PARD3: variants seen among roughly 807,000 people sequenced by gnomAD.
PARD3 encodes par-3 family cell polarity regulator.
In PARD3, 75 loss-of-function variants were observed where a neutral mutation model predicts 155.4. That is an observed-to-expected ratio of 0.48 (90% CI 0.40 to 0.58). The LOEUF (loss-of-function observed/expected upper bound fraction) is 0.58. Ranked by LOEUF, PARD3 falls within the 20% of genes least tolerant of loss-of-function variation. The pLI is 0.00. For synonymous variants in PARD3, 576 were observed against 610.5 expected (o/e 0.94, Z 0.83); for missense variants, 1,642 against 1,721.7 (o/e 0.95, Z 0.82).
At chr10:34,211,462 G>A (rs907860919) in intron 22 of PARD3, among the ~76,000 whole-genome samples, 4 of 152,168 alleles carry the variant, frequency 2.6e-5, no homozygotes, top group Admixed American at 6.6e-5. Flanking sequence ...AAGCAGAAAC[G>A]ACAGAGGAAG....
intron 12 of PARD3, among the ~76,000 whole-genome samples, chr10:34,364,057 C>T (rs887591175): frequency 1.3e-5 from 2 of 152,110 alleles, no homozygotes; most frequent in Non-Finnish European, 2.9e-5. Context: ...TCCTTCTTCC[C>T]GAAATCACAG....
intron 2 of PARD3, among the ~76,000 whole-genome samples, chr10:34,663,586 T>C (rs1020235837): frequency 1.3e-5 from 2 of 152,050 alleles, no homozygotes; most frequent in African/African-American, 4.8e-5. Flanking sequence ...TCCACAAAAA[T>C]AAAAAATTTT....
At chr10:34,412,153 G>C (rs1845148951) in intron 5 of PARD3, among the ~76,000 whole-genome samples, 5 of 151,902 alleles carry the variant, frequency 3.3e-5, no homozygotes, top group Admixed American at 3.3e-4. Context: ...TGTACAGACT[G>C]GGTCTCAGTA....
At chr10:34,314,210 G>A (rs1280003344) in intron 20 of PARD3, among the ~76,000 whole-genome samples, 2 of 151,382 alleles carry the variant, frequency 1.3e-5, no homozygotes, top group East Asian at 1.9e-4. Flanking sequence ...AAAAAAGAAG[G>A]AAACGTAAAA....
At chr10:34,392,373 G>A (rs1842939395) in intron 7 of PARD3, among the ~76,000 whole-genome samples, 1 of 152,036 alleles carries the variant, frequency 6.6e-6, no homozygotes, top group Non-Finnish European at 1.5e-5. Context: ...ATATTGTATT[G>A]AAGATAAACA....
chr10:34,546,239 C>T (rs1272900318), intron 2 of PARD3, among the ~76,000 whole-genome samples: 3 of 151,862 alleles, frequency 2.0e-5, no homozygotes, highest in Non-Finnish European at 4.4e-5. Flanking sequence ...AATTTTAGGC[C>T]GGGCACAGTG....
chr10:34,402,619 C>A (rs1844015684), intron 5 of PARD3, among the ~76,000 whole-genome samples: 2 of 152,154 alleles, frequency 1.3e-5, no homozygotes, highest in African/African-American at 4.8e-5. Context: ...GCTAAAGTAA[C>A]AAAGTACTCA....
chr10:34,523,104 A>G (rs1348888486), intron 2 of PARD3, among the ~76,000 whole-genome samples: 1 of 152,234 alleles, frequency 6.6e-6, no homozygotes, highest in African/African-American at 2.4e-5. Context: ...AATGAAGATC[A>G]TCACAGACAA....
chr10:34,483,126 A>C (rs1268080696), intron 3 of PARD3, among the ~76,000 whole-genome samples: 2 of 152,180 alleles, frequency 1.3e-5, no homozygotes, highest in African/African-American at 4.8e-5. Context: ...ACTGCACCCC[A>C]GCCTGGGCAA....
At position 34,140,876 on chromosome 10, in the gene PARD3, CT is replaced by C. The variant is rs781769158; in HGVS notation, c.3420-9294del. ...CAAAGTTAGTTTCTAACAAGGGCCGCTTTTTTTGTGATGCTTCAGGGTATTT... is the reference window on the plus strand; with the variant it reads ...CAAAGTTAGTTTCTAACAAGGGCCGCTTTTTTGTGATGCTTCAGGGTATTT... On this transcript the variant is annotated intron_variant, in intron 22 of 24. Coordinates refer to ENST00000374788, the MANE Select transcript of PARD3 (RefSeq NM_001184785.2). Among the ~76,000 whole-genome samples the C allele has an allele frequency of 1.2e-3, 186 of 152,058 alleles. 1 individual carries two copies. Among genetic ancestry groups the C allele is most frequent in the Non-Finnish European group, 2.2e-3 (147 of 68,006 alleles).
At chr10:34,326,676 A>G (rs1225758886) in intron 19 of PARD3, among the ~76,000 whole-genome samples, 3 of 152,218 alleles carry the variant, frequency 2.0e-5, no homozygotes, top group African/African-American at 7.2e-5. Context: ...ATAGCTAATA[A>G]AACAATAACA....
intron 5 of PARD3, among the ~76,000 whole-genome samples, chr10:34,411,919 CGTGTGTGT>C (rs61517279): frequency 0.17 from 23,379 of 141,022 alleles, 2,148 homozygotes; most frequent in African/African-American, 0.26. Context: ...ATAAGCTAGT[CGTGTGTGT>C]GTGTGTGTGT....
At chr10:34,608,506 G>A (rs913571587) in intron 2 of PARD3, among the ~76,000 whole-genome samples, 3 of 145,676 alleles carry the variant, frequency 2.1e-5, no homozygotes, top group Non-Finnish European at 4.5e-5. Flanking sequence ...AAAATATTCA[G>A]AACAAAAGAA....
intron 22 of PARD3, among the ~76,000 whole-genome samples, chr10:34,208,257 AAAG>A (rs776534908): frequency 2.0e-5 from 3 of 152,264 alleles, no homozygotes; most frequent in Non-Finnish European, 4.4e-5. Context: ...AACATTCATT[AAAG>A]AAGAAGTATT....
intron 22 of PARD3, among the ~76,000 whole-genome samples, chr10:34,145,217 A>ATT (rs1387505653): frequency 6.0e-4 from 35 of 57,938 alleles, no homozygotes; most frequent in Non-Finnish European, 8.1e-4. Context: ...ATATATATAT[A>ATT]TATATTTTTT....
At chr10:34,811,895 C>T (rs1325494757) in intron 1 of PARD3, among the ~76,000 whole-genome samples, 1 of 152,182 alleles carries the variant, frequency 6.6e-6, no homozygotes, top group Non-Finnish European at 1.5e-5. Context: ...GTCCATGTAA[C>T]GCGGTTCCCA....
chr10:34,310,578 C>G (rs1338872031), intron 20 of PARD3, among the ~76,000 whole-genome samples: 1 of 152,206 alleles, frequency 6.6e-6, no homozygotes, highest in Admixed American at 6.5e-5. Flanking sequence ...AGCCGTCATG[C>G]TTTGTGCCTC....
intron 2 of PARD3, among the ~76,000 whole-genome samples, chr10:34,609,010 C>T (rs1590215782): frequency 6.6e-6 from 1 of 152,160 alleles, no homozygotes; most frequent in South Asian, 2.1e-4. Flanking sequence ...TTTCTCTCAA[C>T]TGACTAGATA....
chr10:34,691,887 A>G (rs1290701976), intron 2 of PARD3, among the ~76,000 whole-genome samples: 1 of 152,238 alleles, frequency 6.6e-6, no homozygotes, highest in East Asian at 1.9e-4. Flanking sequence ...ATAACAGGCT[A>G]GCCATATGCT....
Sources: gnomAD v4.1 joint callset for allele counts (sites outside exome capture counted in the v4.1 genomes callset) on GRCh38, gnomAD v4.1.1 for gene constraint, MANE v1.5 for transcripts, NCBI Gene and HGNC (gene_info 2026-07-23, HGNC 2026-07-21) for gene names.